Variants in GFOD1 observed in about 807,000 individuals in gnomAD.
GFOD1 encodes glucose-fructose oxidoreductase domain-containing protein 1.
A neutral mutation model predicts 25.4 loss-of-function variants in GFOD1; 9 were observed. The observed-to-expected ratio is 0.35, with a 90% CI of 0.21 to 0.62. The LOEUF is 0.62. Among genes scored for constraint, GFOD1 ranks in the 20% least tolerant of loss-of-function variants. The pLI is 0.72. For synonymous variants in GFOD1, 253 were observed against 245.6 expected (o/e 1.03, Z -0.28); for missense variants, 403 against 556.9 (o/e 0.72, Z 2.78).
chr6:13,436,642 C>T (rs1757837208), intron 1 of GFOD1, among the ~76,000 whole-genome samples: 1 of 152,206 alleles, frequency 6.6e-6, no homozygotes, highest in Non-Finnish European at 1.5e-5. Flanking sequence ...ATAACCAATG[C>T]TGCAATAAAT....
chr6:13,382,942 A>G (rs1196046793), intron 1 of GFOD1, among the ~76,000 whole-genome samples: 1 of 152,050 alleles, frequency 6.6e-6, no homozygotes, highest in Non-Finnish European at 1.5e-5. Context: ...TTCCTGTGTT[A>G]GTTTGCTGAG....
At chr6:13,477,479 G>A (rs1160087822) in intron 1 of GFOD1, among the ~76,000 whole-genome samples, 1 of 151,902 alleles carries the variant, frequency 6.6e-6, no homozygotes, top group Non-Finnish European at 1.5e-5. Flanking sequence ...TGAGCAGAAA[G>A]GGACTATGTC....
At chr6:13,387,636 T>G (rs1404169912) in intron 1 of GFOD1, among the ~76,000 whole-genome samples, 3 of 152,110 alleles carry the variant, frequency 2.0e-5, no homozygotes, top group Admixed American at 6.5e-5. Flanking sequence ...TAAGAGCTAT[T>G]TATGACAAAC....
chr6:13,372,568 C>T (rs1785173430), intron 1 of GFOD1, among the ~76,000 whole-genome samples: 1 of 152,126 alleles, frequency 6.6e-6, no homozygotes, highest in Non-Finnish European at 1.5e-5. Context: ...CCAAATGGTA[C>T]CCCTGGGAGT....
At chr6:13,445,269 C>T (rs1349573439) in intron 1 of GFOD1, among the ~76,000 whole-genome samples, 1 of 152,204 alleles carries the variant, frequency 6.6e-6, no homozygotes, top group African/African-American at 2.4e-5. Flanking sequence ...TTTCCTGATG[C>T]TCGTTGAGCA....
In GFOD1 at chr6:13,374,416, G is replaced by T. The variant is rs115020398; in HGVS notation, c.254-8754C>A. Among the ~76,000 whole-genome samples the T allele has an allele frequency of 3.6e-3, 540 of 151,308 alleles. 3 individuals carry two copies. The highest frequency in any genetic ancestry group is 0.013 in the African/African-American group (523 of 41,166). On this transcript the variant is annotated intron_variant, in intron 1 of 1. Coordinates refer to ENST00000379287, the MANE Select transcript of GFOD1 (RefSeq NM_018988.4). Reference sequence around the variant, plus strand: ...CCTCCCAGGTTCAAGCCATTCTCCTGCTCAGTCTCCTTAGTAGCTGGGGTT... The same window carrying T: ...CCTCCCAGGTTCAAGCCATTCTCCTTCTCAGTCTCCTTAGTAGCTGGGGTT...
At chr6:13,481,676 T>C (rs1243291349) in intron 1 of GFOD1, among the ~76,000 whole-genome samples, 1 of 152,210 alleles carries the variant, frequency 6.6e-6, no homozygotes, top group African/African-American at 2.4e-5. Flanking sequence ...GCAGGCTGGC[T>C]TGGGGACACA....
intron 1 of GFOD1, among the ~76,000 whole-genome samples, chr6:13,426,842 G>C (rs142095892): frequency 6.6e-6 from 1 of 152,178 alleles, no homozygotes; most frequent in African/African-American, 2.4e-5. Flanking sequence ...TTCTGGCAAC[G>C]GCTGTCAGTG....
At chr6:13,472,851 C>T (rs934754339) in intron 1 of GFOD1, among the ~76,000 whole-genome samples, 1 of 152,230 alleles carries the variant, frequency 6.6e-6, no homozygotes, top group Admixed American at 6.5e-5. Context: ...AGCGTAGTAA[C>T]TTTGCAAGGC....
chr6:13,470,452 C>T (rs1199901720), intron 1 of GFOD1: 1 of 1,550,272 alleles, frequency 6.5e-7, no homozygotes, highest in South Asian at 1.2e-5. Flanking sequence ...CAGGCTGCAT[C>T]CCTAAGGGCT....
At chr6:13,392,127 T>G (rs769832873) in intron 1 of GFOD1, among the ~76,000 whole-genome samples, 1 of 152,028 alleles carries the variant, frequency 6.6e-6, no homozygotes, top group African/African-American at 2.4e-5. Flanking sequence ...CTCAGGAGGC[T>G]GAGGTGGACA....
intron 1 of GFOD1, among the ~76,000 whole-genome samples, chr6:13,462,874 G>A (rs551918226): frequency 2.0e-5 from 3 of 152,214 alleles, no homozygotes; most frequent in East Asian, 1.9e-4. Flanking sequence ...TCTGCCTCTC[G>A]GCTGAGAGAG....
At chr6:13,468,139 T>A (rs1281437931) in intron 1 of GFOD1, among the ~76,000 whole-genome samples, 1 of 152,198 alleles carries the variant, frequency 6.6e-6, no homozygotes, top group Non-Finnish European at 1.5e-5. Flanking sequence ...CATTATTTGA[T>A]AACAAGCATC....
chr6:13,414,186 G>C (rs1786125978), intron 1 of GFOD1, among the ~76,000 whole-genome samples: 1 of 152,222 alleles, frequency 6.6e-6, no homozygotes, highest in South Asian at 2.1e-4. Context: ...TAACAAGCTA[G>C]GTACCCTGGG....
intron 1 of GFOD1, among the ~76,000 whole-genome samples, chr6:13,443,374 G>A (rs550908409): frequency 3.9e-5 from 6 of 152,208 alleles, no homozygotes; most frequent in South Asian, 4.1e-4. Context: ...TGATAAAGGC[G>A]CAGCAGGATT....
At chr6:13,470,583 C>T (rs1201064300) in intron 1 of GFOD1, 2 of 1,506,820 alleles carry the variant, frequency 1.3e-6, no homozygotes, top group Non-Finnish European at 1.8e-6. Context: ...ATTTTTTTTT[C>T]CCCAGTATTT....
intron 1 of GFOD1, among the ~76,000 whole-genome samples, chr6:13,419,916 C>G (rs760354563): frequency 6.6e-6 from 1 of 152,236 alleles, no homozygotes; most frequent in African/African-American, 2.4e-5. Flanking sequence ...ACCCCTCGCC[C>G]CTATCACTCC....
Position 13,487,019 on chromosome 6 carries a change from C to T in GFOD1, c.-129G>A, listed in dbSNP as rs1758888437. 4.9e-6 allele frequency: 6 copies of T among 1,226,110 alleles called. No individual in the cohort carries two copies. The South Asian group carries it at 6.0e-5, about 12-fold the overall frequency. 76.0% of individuals were successfully genotyped at this position (1,226,110 alleles called of 1,614,324 possible). A position where few individuals can be genotyped will look rare whatever the true frequency, so the allele number is the denominator to read the frequency against. On this transcript the variant is annotated 5_prime_UTR_variant, in exon 1 of 2. Transcript: ENST00000379287. The surrounding 1 kb of genome is among the most constrained non-coding windows in gnomAD (Gnocchi z 4.9). ...TAGCCGCGGTGCGCCAGCCGCCGTG[C>T]ACCGGGCAAGGCGCCCGGGTGCCCA...
intron 1 of GFOD1, among the ~76,000 whole-genome samples, chr6:13,382,347 T>TGGGGGG (rs57799706): frequency 1.4e-5 from 2 of 143,670 alleles, no homozygotes; most frequent in African/African-American, 5.2e-5. Context: ...AATTGAATCA[T>TGGGGGG]GGGGGGGGGG....
Sources: gnomAD v4.1 joint callset for allele counts (sites outside exome capture counted in the v4.1 genomes callset) on GRCh38, gnomAD v4.1.1 for gene constraint, Gnocchi (gnomAD v3.1) non-coding constraint, MANE v1.5 for transcripts, NCBI Gene and HGNC (gene_info 2026-07-23, HGNC 2026-07-21) for gene names.